EPB41L4A: variants seen among roughly 807,000 people sequenced by gnomAD.
EPB41L4A encodes the protein band 4.1-like protein 4A.
EPB41L4A carries 100 observed loss-of-function variants against 108.6 expected under a neutral mutation model. The ratio of observed to expected loss-of-function variants is 0.92; its 90% confidence interval spans 0.78 to 1.09. The LOEUF is 1.09. EPB41L4A is among the 50% of genes least tolerant of loss of function. The pLI is 0.00. For missense variants in EPB41L4A, 1,030 were observed against 842.7 expected, an observed-to-expected ratio of 1.22 and a Z score of -2.75; for synonymous variants, 319 against 289.0, an observed-to-expected ratio of 1.10 and a Z score of -1.05.
intron 16 of EPB41L4A, among the ~76,000 whole-genome samples, chr5:112,195,021 G>A (rs1388137565): frequency 3.3e-5 from 5 of 152,214 alleles, no homozygotes; most frequent in Non-Finnish European, 4.4e-5. Flanking sequence ...ACTGAGAGAC[G>A]TAGAGTTTAT....
At chr5:112,247,206 C>T (rs6865000) in intron 9 of EPB41L4A, among the ~76,000 whole-genome samples, 11,386 of 29,462 alleles carry the variant, frequency 0.39, 500 homozygotes, top group Non-Finnish European at 0.51. Context: ...CTCAATCTCC[C>T]TCCCACCACT....
At chr5:112,362,146 G>A (rs1758807459) in intron 1 of EPB41L4A, among the ~76,000 whole-genome samples, 1 of 152,114 alleles carries the variant, frequency 6.6e-6, no homozygotes, top group African/African-American at 2.4e-5. Flanking sequence ...CACCCAGGCT[G>A]GAGTGCAGTG....
chr5:112,334,431 G>C (rs1007919170), intron 1 of EPB41L4A, among the ~76,000 whole-genome samples: 1 of 152,050 alleles, frequency 6.6e-6, no homozygotes, highest in Non-Finnish European at 1.5e-5. Flanking sequence ...GGAAATATTT[G>C]CCATCTATTG....
chr5:112,339,483 T>TAG (rs1757133594), intron 1 of EPB41L4A, among the ~76,000 whole-genome samples: 1 of 36,156 alleles, frequency 2.8e-5, no homozygotes, highest in African/African-American at 9.0e-5. Flanking sequence ...TCTATATATA[T>TAG]ATATATATAT....
At chr5:112,155,004 A>G (rs1759600625) in intron 12 of EPB41L4A, among the ~76,000 whole-genome samples, 1 of 152,180 alleles carries the variant, frequency 6.6e-6, no homozygotes, top group Non-Finnish European at 1.5e-5. Context: ...AACTGACCAA[A>G]GAACTAGAAC....
intron 1 of EPB41L4A, among the ~76,000 whole-genome samples, chr5:112,326,087 C>T (rs961996667): frequency 6.6e-6 from 1 of 152,022 alleles, no homozygotes; most frequent in East Asian, 1.9e-4. Context: ...GAGTTCAAGG[C>T]TAGAGTAAGC....
downstream of EPB41L4A, chr5:112,161,210 C>G (rs1389327331): frequency 3.7e-6 from 1 of 270,516 alleles, no homozygotes; most frequent in African/African-American, 2.3e-5. Context: ...TGCCCTGCCC[C>G]CGTATAAAAT....
At chr5:112,419,811 G>A (rs114273567), upstream of EPB41L4A, 2 of 456,776 alleles carry the variant, frequency 4.4e-6, no homozygotes, top group South Asian at 1.5e-5. Context: ...CCCGTCCGGG[G>A]ACTCCCGAGC....
At chr5:112,378,330 A>T (rs1384564891) in intron 1 of EPB41L4A, among the ~76,000 whole-genome samples, 1 of 152,196 alleles carries the variant, frequency 6.6e-6, no homozygotes, top group Non-Finnish European at 1.5e-5. Flanking sequence ...AATGCAAGTT[A>T]CCTAGAGCAG....
At chr5:112,286,081 C>A (rs544047264) in intron 2 of EPB41L4A, among the ~76,000 whole-genome samples, 1 of 152,022 alleles carries the variant, frequency 6.6e-6, no homozygotes, top group Admixed American at 6.6e-5. Context: ...ACTCTTCTCC[C>A]AACTCACTTT....
At chr5:112,371,932 G>A (rs1312997392) in intron 1 of EPB41L4A, among the ~76,000 whole-genome samples, 3 of 152,134 alleles carry the variant, frequency 2.0e-5, no homozygotes, top group African/African-American at 7.2e-5. Flanking sequence ...GCATGCATCT[G>A]TAGTCCCAGC....
At position 112,372,080 on chromosome 5, in the gene EPB41L4A, T is replaced by A. The variant is rs551312273; in HGVS notation, c.99+46861A>T. 2.0e-5 allele frequency among the ~76,000 whole-genome samples: 3 copies of A among 152,262 alleles called. No individual in the cohort carries two copies. In the East Asian group the frequency reaches 5.8e-4, roughly 29 times the overall value. The stretch of plus-strand genomic sequence containing the variant: ...GTAAACACATATCAACAGTGATAAG[T>A]ATTAGGAAGTGTATTAGTCTGTTCT... On this transcript the variant is annotated intron_variant, in intron 1 of 22. Coordinates refer to ENST00000261486, the MANE Select transcript of EPB41L4A (RefSeq NM_022140.5).
intron 8 of EPB41L4A, 115 bp downstream of exon 8, chr5:112,259,772 CATTT>C (rs1751363774): frequency 1.4e-6 from 1 of 724,522 alleles, no homozygotes; most frequent in Non-Finnish European, 2.4e-6. Context: ...CAATTTCACT[CATTT>C]ATTTATCACC....
At chr5:112,418,837 G>T in intron 1 of EPB41L4A, 104 bp downstream of exon 1, 1 of 821,700 alleles carries the variant, frequency 1.2e-6, no homozygotes, top group Non-Finnish European at 2.0e-6. Context: ...ACCGCGCAGA[G>T]TCGCGGCCGC....
In EPB41L4A at chr5:112,380,783, T is replaced by TCACACACA. The variant is rs1369682818; in HGVS notation, c.99+38150_99+38157dup. ...AAAAGAGAAACCCATCCTCTGCACATCACACACATACACACACACACACAC... is the reference window on the plus strand; with the variant it reads ...AAAAGAGAAACCCATCCTCTGCACATCACACACACACACACATACACACACACACACAC... On this transcript the variant is annotated intron_variant, in intron 1 of 22. Transcript: ENST00000261486. 4.6e-4 allele frequency among the ~76,000 whole-genome samples: 55 copies of TCACACACA among 120,180 alleles called. No homozygotes were observed. The South Asian group carries it at 7.1e-3, about 16-fold the overall frequency. The allele number at this position is 120,180 out of a possible 152,430, so 78.8% of individuals were successfully genotyped here. A position where few individuals can be genotyped will look rare whatever the true frequency, so the allele number is the denominator to read the frequency against.
chr5:112,326,167 T>A (rs931711500), intron 1 of EPB41L4A, among the ~76,000 whole-genome samples: 5 of 152,084 alleles, frequency 3.3e-5, no homozygotes, highest in Admixed American at 6.5e-5. Context: ...AAATTTTTTT[T>A]AAATTAAACT....
intron 1 of EPB41L4A, among the ~76,000 whole-genome samples, chr5:112,404,972 C>T (rs1206768771): frequency 6.6e-6 from 1 of 152,146 alleles, no homozygotes; most frequent in Admixed American, 6.5e-5. Context: ...ATCTAAAATC[C>T]AAAAACTCAT....
At chr5:112,152,757 A>T (rs1335769936) in intron 12 of EPB41L4A, among the ~76,000 whole-genome samples, 3 of 152,256 alleles carry the variant, frequency 2.0e-5, no homozygotes, top group Non-Finnish European at 4.4e-5. Context: ...GAAAAAAGAT[A>T]AAGCACACTA....
chr5:112,416,953 T>A (rs1050160065), intron 1 of EPB41L4A, among the ~76,000 whole-genome samples: 3 of 152,236 alleles, frequency 2.0e-5, no homozygotes, highest in Non-Finnish European at 4.4e-5. Flanking sequence ...GTGATTAGCT[T>A]TAGCAGACAA....
Sources: gnomAD v4.1 joint callset for allele counts (sites outside exome capture counted in the v4.1 genomes callset) on GRCh38, gnomAD v4.1.1 for gene constraint, MANE v1.5 for transcripts, NCBI Gene and HGNC (gene_info 2026-07-23, HGNC 2026-07-21) for gene names.